Variants in SLC24A2 observed in about 807,000 individuals in gnomAD.
SLC24A2 encodes the protein solute carrier family 24 member 2, also known as sodium/potassium/calcium exchanger 2.
Under a neutral mutation model 62.0 loss-of-function variants are expected in SLC24A2, and 36 were observed. The observed-to-expected ratio is 0.58, with a 90% CI of 0.44 to 0.77. The LOEUF (loss-of-function observed/expected upper bound fraction) is 0.77, where lower values mean the gene tolerates loss of function less well. Among genes scored for constraint, SLC24A2 ranks in the 30% least tolerant of loss-of-function variants. The probability of loss-of-function intolerance (pLI) is 0.00; values close to 1 mark genes in which losing one functional copy is unlikely to be tolerated. For missense variants in SLC24A2, 846 were observed against 817.9 expected (o/e 1.03, Z -0.42); for synonymous variants, 358 against 294.0 (o/e 1.22, Z -2.23).
chr9:19,986,628 GACGT>G, the SLC24A2 span, among the ~76,000 whole-genome samples: 1 of 152,134 alleles, frequency 6.6e-6, no homozygotes, highest in Non-Finnish European at 1.5e-5. Flanking sequence ...ATGAGGTACT[GACGT>G]ATGTTACAGT....
the SLC24A2 span, among the ~76,000 whole-genome samples, chr9:20,025,537 T>C: frequency 2.0e-5 from 3 of 152,152 alleles, no homozygotes; most frequent in African/African-American, 7.2e-5. Context: ...ATAATAATAA[T>C]AGTTATGACC....
At chr9:19,892,886 C>T in the SLC24A2 span, among the ~76,000 whole-genome samples, 4 of 152,270 alleles carry the variant, frequency 2.6e-5, no homozygotes, top group Non-Finnish European at 5.9e-5. Flanking sequence ...TCTCCAAGGG[C>T]TGAAAATCTG....
chr9:20,095,885 A>C, the SLC24A2 span, among the ~76,000 whole-genome samples: 3 of 152,180 alleles, frequency 2.0e-5, no homozygotes, highest in African/African-American at 7.2e-5. Context: ...ATCGAGCAAA[A>C]GGGGAAACCC....
At chr9:20,212,722 T>C in the SLC24A2 span, among the ~76,000 whole-genome samples, 35 of 151,830 alleles carry the variant, frequency 2.3e-4, no homozygotes, top group South Asian at 5.6e-3. Context: ...CTCTGAAACA[T>C]TGTAGCCTAT....
At chr9:20,208,857 C>T in the SLC24A2 span, among the ~76,000 whole-genome samples, 1 of 152,216 alleles carries the variant, frequency 6.6e-6, no homozygotes, top group Non-Finnish European at 1.5e-5. Context: ...ATTAACAAAG[C>T]TCTGTAGATT....
At chr9:19,710,757 T>G (rs1407517778) in intron 2 of SLC24A2, among the ~76,000 whole-genome samples, 1 of 152,046 alleles carries the variant, frequency 6.6e-6, no homozygotes, top group Non-Finnish European at 1.5e-5. Context: ...CATGGGGGTT[T>G]TAGGCAGATC....
chr9:19,793,577 A>G (rs1823344740), upstream of SLC24A2, among the ~76,000 whole-genome samples: 1 of 152,224 alleles, frequency 6.6e-6, no homozygotes, highest in African/African-American at 2.4e-5. Flanking sequence ...CACACCTACC[A>G]TGAACTAGAG....
chr9:20,172,692 T>C, the SLC24A2 span, among the ~76,000 whole-genome samples: 1 of 151,748 alleles, frequency 6.6e-6, no homozygotes, highest in Non-Finnish European at 1.5e-5. Flanking sequence ...AGCAGTGAAT[T>C]TAACATGAAA....
Position 19,509,699 on chromosome 9 carries a change from TCA to T in SLC24A2, c.*6452_*6453del, listed in dbSNP as rs1450852490. On this transcript the variant is annotated 3_prime_UTR_variant, in exon 11 of 11. Coordinates refer to ENST00000341998, the MANE Select transcript of SLC24A2 (RefSeq NM_020344.4). Reference sequence around the variant, plus strand: ...CCTTAAAATAATTTTATTCAGGATTTCAGACTTTTTTTACTTTTCTGTTTTTT... The same window carrying T: ...CCTTAAAATAATTTTATTCAGGATTTGACTTTTTTTACTTTTCTGTTTTTT... 2 of 152,242 alleles carry T rather than the reference TCA, an allele frequency of 1.3e-5. No individual in the cohort carries two copies. The highest frequency in any genetic ancestry group is 2.9e-5 in the Non-Finnish European group (2 of 68,038). The allele number at this position is 152,242 out of a possible 1,614,324, so 9.4% of individuals were successfully genotyped here.
At chr9:19,550,095 A>T (rs781486408) in intron 8 of SLC24A2, 42 bp downstream of exon 8, 22 of 1,600,442 alleles carry the variant, frequency 1.4e-5, no homozygotes, top group Non-Finnish European at 1.9e-5. Context: ...GTTATGTACC[A>T]TATGTTTTAC....
At chr9:19,687,694 C>A (rs973633993) in intron 2 of SLC24A2, among the ~76,000 whole-genome samples, 1 of 152,058 alleles carries the variant, frequency 6.6e-6, no homozygotes, top group Non-Finnish European at 1.5e-5. Flanking sequence ...TGCTCTCTGG[C>A]TTTGACCTTT....
At chr9:19,529,381 A>G (rs1181619273) in intron 8 of SLC24A2, among the ~76,000 whole-genome samples, 1 of 152,204 alleles carries the variant, frequency 6.6e-6, no homozygotes, top group African/African-American at 2.4e-5. Context: ...CACAGTCTCT[A>G]TTGCTCCAAA....
chr9:20,094,816 T>C, the SLC24A2 span, among the ~76,000 whole-genome samples: 3 of 152,154 alleles, frequency 2.0e-5, no homozygotes, highest in Non-Finnish European at 4.4e-5. Flanking sequence ...TTAATATATA[T>C]AGGTAAAGAT....
At chr9:20,165,099 C>T in the SLC24A2 span, among the ~76,000 whole-genome samples, 1 of 151,452 alleles carries the variant, frequency 6.6e-6, no homozygotes, top group African/African-American at 2.4e-5. Context: ...CTAACCTGCA[C>T]ATTGTGCACA....
the SLC24A2 span, among the ~76,000 whole-genome samples, chr9:20,254,350 G>GT: frequency 3.3e-5 from 5 of 152,182 alleles, no homozygotes; most frequent in Non-Finnish European, 7.3e-5. Context: ...ATGAGCATTT[G>GT]TTTAGCACCC....
At chr9:20,177,537 T>G in the SLC24A2 span, among the ~76,000 whole-genome samples, 2 of 152,116 alleles carry the variant, frequency 1.3e-5, no homozygotes, top group Non-Finnish European at 2.9e-5. Flanking sequence ...TTAGATGATC[T>G]GATCAAGTCT....
chr9:19,969,646 G>C, the SLC24A2 span, among the ~76,000 whole-genome samples: 2 of 152,186 alleles, frequency 1.3e-5, no homozygotes, highest in African/African-American at 4.8e-5. Flanking sequence ...TGAGGCTACA[G>C]TAGTAAGAAA....
chr9:19,710,049 G>A (rs967811386), intron 2 of SLC24A2, among the ~76,000 whole-genome samples: 4 of 152,128 alleles, frequency 2.6e-5, no homozygotes, highest in African/African-American at 9.7e-5. Flanking sequence ...TCACTCACCA[G>A]ATTTCCTCCT....
the SLC24A2 span, among the ~76,000 whole-genome samples, chr9:19,889,571 C>T: frequency 1.3e-5 from 2 of 152,148 alleles, no homozygotes; most frequent in African/African-American, 4.8e-5. Flanking sequence ...GATGGGGTCC[C>T]CATTGCTGCT....
Sources: gnomAD v4.1 joint callset for allele counts (sites outside exome capture counted in the v4.1 genomes callset) on GRCh38, gnomAD v4.1.1 for gene constraint, MANE v1.5 for transcripts, NCBI Gene and HGNC (gene_info 2026-07-23, HGNC 2026-07-21) for gene names.